The following MAP4K4 variants were observed in gnomAD, a reference collection of about 807,000 sequenced individuals.
The protein encoded by MAP4K4 is HPK/GCK-like kinase HGK.
In MAP4K4, 38 loss-of-function variants were observed where a neutral mutation model predicts 189.6. The observed-to-expected ratio is 0.20, with a 90% CI of 0.15 to 0.26. MAP4K4 has a LOEUF of 0.26. MAP4K4 is among the 10% of genes least tolerant of loss of function. The pLI is 1.00. For synonymous variants in MAP4K4, 610 were observed against 624.3 expected (o/e 0.98, Z 0.34); for missense variants, 1,054 against 1,726.9 (o/e 0.61, Z 6.91).
intron 12 of MAP4K4, among the ~76,000 whole-genome samples, chr2:101,846,907 T>TC (rs2097127492): frequency 1.3e-5 from 2 of 152,204 alleles, no homozygotes; most frequent in Admixed American, 1.3e-4. Flanking sequence ...AATAGAGTGA[T>TC]CCCGTATTTG....
chr2:101,698,397 C>G (rs2149089238), intron 1 of MAP4K4, 76 bp from the exon 2 acceptor site: 2 of 1,349,318 alleles, frequency 1.5e-6, no homozygotes, highest in South Asian at 1.2e-5. Flanking sequence ...CGCCTTTTCT[C>G]TCCAACTGCC....
chr2:101,867,677 G>T, intron 20 of MAP4K4: 1 of 368,630 alleles, frequency 2.7e-6, no homozygotes, highest in Non-Finnish European at 4.9e-6. Flanking sequence ...TCTCTTTCTT[G>T]GCATTAACCT....
At chr2:101,886,638 C>A (rs772058426) in intron 29 of MAP4K4, among the ~76,000 whole-genome samples, 4 of 152,150 alleles carry the variant, frequency 2.6e-5, no homozygotes, top group Non-Finnish European at 4.4e-5. Flanking sequence ...CAGGCAAAAA[C>A]GTAATAAAGA....
intron 18 of MAP4K4, among the ~76,000 whole-genome samples, chr2:101,866,096 G>T (rs936820400): frequency 1.3e-5 from 2 of 152,170 alleles, no homozygotes; most frequent in Non-Finnish European, 2.9e-5. Flanking sequence ...ATACAAATAC[G>T]GAGTGTTTTC....
chr2:101,758,783 G>A (rs561923907), intron 2 of MAP4K4, among the ~76,000 whole-genome samples: 1 of 152,318 alleles, frequency 6.6e-6, no homozygotes. Context: ...ATCCCAGGTG[G>A]CACACTTTCT....
At chr2:101,842,390 A>C (rs552187053) in intron 10 of MAP4K4, among the ~76,000 whole-genome samples, 42 of 152,284 alleles carry the variant, frequency 2.8e-4, no homozygotes, top group African/African-American at 8.7e-4. Context: ...AATGCCGTGG[A>C]ATCAGCTTTT....
chr2:101,885,789 A>G (rs887982561), intron 29 of MAP4K4, among the ~76,000 whole-genome samples: 2 of 152,228 alleles, frequency 1.3e-5, no homozygotes, highest in African/African-American at 4.8e-5. Flanking sequence ...TAAAAAACTC[A>G]GCTATAACAT....
chr2:101,870,313 C>A lies in MAP4K4; in HGVS notation c.2658C>A (p.Ser886Arg), dbSNP rs750288682. ...TCCATAGGTCATCTCTGAATTTGAG[C>A]AATGGTGAAACGGAATCTGTGAAAA... The change falls in exon 23 of 33, where the codon AGC becomes AGA. Residue 886 changes from serine (S) to arginine (R), a missense_variant. This residue lies in a region of MAP4K4 where 646 missense variants were observed against 796.2 expected (regional missense o/e 0.81). Coordinates refer to ENST00000324219, the Ensembl canonical transcript of MAP4K4. 19 of 1,612,786 alleles carry A rather than the reference C, an allele frequency of 1.2e-5. No individual in the cohort carries two copies. The highest frequency in any genetic ancestry group is 1.5e-5 in the Non-Finnish European group (18 of 1,179,408).
At chr2:101,875,341 T>C (rs1289748585) in intron 26 of MAP4K4, among the ~76,000 whole-genome samples, 1 of 152,142 alleles carries the variant, frequency 6.6e-6, no homozygotes, top group Non-Finnish European at 1.5e-5. Context: ...TTTCTTATAC[T>C]GATAATCTTT....
rs5832985 is a variant in MAP4K4, at chr2:101,745,972, T to TTGTGTGTG, written c.124-44720_124-44713dup. On this transcript the variant is annotated intron_variant, in intron 2 of 32. Transcript: ENST00000324219. ...CAAATTATTTGAAATCCTGTTTCCT[T>TTGTGTGTG]TGTGTGTGTGTGTGTGTGTGTGTGT... is the stretch of plus-strand genomic sequence containing the variant. Among the ~76,000 whole-genome samples, 818 of 146,586 alleles carry TTGTGTGTG rather than the reference T, an allele frequency of 5.6e-3. 7 individuals are homozygous for TTGTGTGTG. The highest frequency in any genetic ancestry group is 0.012 in the African/African-American group (469 of 38,790).
chr2:101,820,062 C>T (rs971023865), intron 3 of MAP4K4, among the ~76,000 whole-genome samples: 2 of 152,088 alleles, frequency 1.3e-5, no homozygotes, highest in African/African-American at 4.8e-5. Context: ...GTGAAAATAT[C>T]GAGTGCTCTT....
At chr2:101,729,244 T>C (rs548624794) in intron 2 of MAP4K4, among the ~76,000 whole-genome samples, 1 of 79,310 alleles carries the variant, frequency 1.3e-5, no homozygotes, top group Non-Finnish European at 2.3e-5. Flanking sequence ...TTTAATATTA[T>C]GCTTACAGTC....
chr2:101,819,831 G>A (rs1233737260), intron 3 of MAP4K4, among the ~76,000 whole-genome samples: 1 of 152,182 alleles, frequency 6.6e-6, no homozygotes, highest in Non-Finnish European at 1.5e-5. Context: ...GATGTTAAGA[G>A]TGTGTACTTT....
intron 2 of MAP4K4, among the ~76,000 whole-genome samples, chr2:101,698,906 C>G (rs72829208): frequency 1.3e-5 from 2 of 152,140 alleles, no homozygotes; most frequent in African/African-American, 4.8e-5. Context: ...CGGGCCTTGC[C>G]TCTGACGATC....
intron 2 of MAP4K4, among the ~76,000 whole-genome samples, chr2:101,730,516 T>A (rs577437174): frequency 6.6e-6 from 1 of 152,300 alleles, no homozygotes; most frequent in African/African-American, 2.4e-5. Context: ...GGGAAGGAGC[T>A]GGTGCCCTAT....
At chr2:101,739,973 A>C (rs2061898389) in intron 2 of MAP4K4, among the ~76,000 whole-genome samples, 1 of 151,992 alleles carries the variant, frequency 6.6e-6, no homozygotes, top group South Asian at 2.1e-4. Flanking sequence ...CCATTATTTT[A>C]CACTAAAGGG....
chr2:101,889,021 T>C (rs2098527679), intron 32 of MAP4K4, 86 bp downstream of exon 32: 1 of 1,203,314 alleles, frequency 8.3e-7, no homozygotes. Context: ...TTAATTTCCT[T>C]GGAGTTTTGA....
rs144556971 is a variant in MAP4K4, at chr2:101,795,329, C to T, written c.180+4553C>T. On this transcript the variant is annotated intron_variant, in intron 3 of 32. Transcript: ENST00000324219. Reference sequence around the variant, plus strand: ...TGCAAAATGATGATTTTACGTTCTTCCTTTTGTATTTATTAGTCAACAACA... The same window carrying T: ...TGCAAAATGATGATTTTACGTTCTTTCTTTTGTATTTATTAGTCAACAACA... Among the ~76,000 whole-genome samples the T allele has an allele frequency of 2.2e-3, 333 of 152,282 alleles. 1 individual carries two copies. Among genetic ancestry groups the T allele is most frequent in the Admixed American group, 6.5e-3 (99 of 15,300 alleles).
chr2:101,807,874 A>G (rs2095104638), intron 3 of MAP4K4, among the ~76,000 whole-genome samples: 1 of 152,228 alleles, frequency 6.6e-6, no homozygotes, highest in African/African-American at 2.4e-5. Flanking sequence ...GAACTTCCTC[A>G]CTGTCGCAAG....
Sources: gnomAD v4.1 joint callset for allele counts (sites outside exome capture counted in the v4.1 genomes callset) on GRCh38, gnomAD v4.1.1 for gene constraint, gnomAD v4.1.1 regional missense constraint, MANE v1.5 for transcripts, NCBI Gene and HGNC (gene_info 2026-07-23, HGNC 2026-07-21) for gene names.